The following SETBP1 variants were observed in gnomAD, a reference collection of about 807,000 sequenced individuals.
The protein encoded by SETBP1 is SET-binding protein.
Under a neutral mutation model 101.0 loss-of-function variants are expected in SETBP1, and 9 were observed. The ratio of observed to expected loss-of-function variants is 0.09; its 90% CI spans 0.05 to 0.16. The LOEUF (loss-of-function observed/expected upper bound fraction) is 0.16. SETBP1 is among the 10% of genes least tolerant of loss of function. The pLI, the probability that SETBP1 is intolerant of heterozygous loss-of-function variation, is 1.00. For missense variants in SETBP1, 1,858 were observed against 2,033.8 expected (o/e 0.91, Z 1.66); for synonymous variants, 818 against 788.5 (o/e 1.04, Z -0.63).
chr18:45,026,721 G>A (rs2073171729), intron 4 of SETBP1, among the ~76,000 whole-genome samples: 1 of 152,072 alleles, frequency 6.6e-6, no homozygotes, highest in African/African-American at 2.4e-5. Flanking sequence ...TATTGTCTCT[G>A]CACTTTTTAA....
intron 4 of SETBP1, among the ~76,000 whole-genome samples, chr18:44,970,664 G>A (rs1476125797): frequency 1.3e-5 from 2 of 151,800 alleles, no homozygotes; most frequent in East Asian, 3.9e-4. Flanking sequence ...CGATTCTCCT[G>A]CCTCAGCCTT....
intron 2 of SETBP1, among the ~76,000 whole-genome samples, chr18:44,719,248 G>A (rs563818153): frequency 6.6e-6 from 1 of 152,198 alleles, no homozygotes; most frequent in Admixed American, 6.5e-5. Flanking sequence ...CACCTGAAAG[G>A]CCCAGTGTAT....
chr18:44,685,549 C>A (rs1163071948), intron 1 of SETBP1, among the ~76,000 whole-genome samples: 1 of 152,184 alleles, frequency 6.6e-6, no homozygotes, highest in African/African-American at 2.4e-5. Flanking sequence ...TGTCCCTGTA[C>A]TTCCCAGTTA....
intron 5 of SETBP1, among the ~76,000 whole-genome samples, chr18:45,043,566 A>G (rs975031013): frequency 3.9e-5 from 6 of 152,226 alleles, no homozygotes; most frequent in Non-Finnish European, 7.3e-5. Flanking sequence ...TGTTGTATCA[A>G]GGCTAATCCA....
intron 3 of SETBP1, among the ~76,000 whole-genome samples, chr18:44,926,319 T>C (rs2070703597): frequency 1.3e-5 from 2 of 152,170 alleles, no homozygotes; most frequent in Admixed American, 1.3e-4. Context: ...TGGTGCATAA[T>C]TATCAAAGGC....
intron 4 of SETBP1, among the ~76,000 whole-genome samples, chr18:45,026,286 T>C (rs2073163224): frequency 6.6e-6 from 1 of 152,196 alleles, no homozygotes; most frequent in South Asian, 2.1e-4. Flanking sequence ...GACTGGTTTC[T>C]TGAAGTCTCA....
intron 3 of SETBP1, among the ~76,000 whole-genome samples, chr18:44,907,354 C>A (rs8182436): frequency 6.6e-6 from 1 of 152,168 alleles, no homozygotes; most frequent in African/African-American, 2.4e-5. Context: ...GTTTTCAGTT[C>A]TCTTGGGTAT....
intron 2 of SETBP1, among the ~76,000 whole-genome samples, chr18:44,851,849 C>T (rs1297207930): frequency 6.6e-6 from 1 of 152,182 alleles, no homozygotes; most frequent in East Asian, 1.9e-4. Context: ...CTGGGGACCT[C>T]CTCAAGGTTG....
At chr18:45,047,705 G>A (rs2073640449) in intron 5 of SETBP1, among the ~76,000 whole-genome samples, 1 of 152,144 alleles carries the variant, frequency 6.6e-6, no homozygotes, top group African/African-American at 2.4e-5. Context: ...GAAGAACTAT[G>A]TAATGACTGT....
At chr18:45,032,615 G>T (rs2073319600) in intron 4 of SETBP1, among the ~76,000 whole-genome samples, 1 of 152,136 alleles carries the variant, frequency 6.6e-6, no homozygotes. Flanking sequence ...GTTGTTTGTT[G>T]TTCACAGGTG....
intron 4 of SETBP1, among the ~76,000 whole-genome samples, chr18:44,962,499 A>C (rs1324292656): frequency 1.3e-5 from 2 of 152,178 alleles, no homozygotes; most frequent in Non-Finnish European, 2.9e-5. Flanking sequence ...ACCAAGAAAC[A>C]TGCCTGTCCT....
At chr18:44,966,705 C>T (rs1189655718) in intron 4 of SETBP1, among the ~76,000 whole-genome samples, 1 of 152,152 alleles carries the variant, frequency 6.6e-6, no homozygotes, top group Non-Finnish European at 1.5e-5. Context: ...TTAAGAAGCA[C>T]TAACTTAAGA....
intron 5 of SETBP1, among the ~76,000 whole-genome samples, chr18:45,040,963 G>A (rs909922307): frequency 6.6e-6 from 1 of 152,326 alleles, no homozygotes; most frequent in Middle Eastern, 3.4e-3. Context: ...ACCTTCCTGA[G>A]ATTTCACTCC....
chr18:44,990,015 A>G (rs1568013015), intron 4 of SETBP1, among the ~76,000 whole-genome samples: 1 of 151,960 alleles, frequency 6.6e-6, no homozygotes, highest in South Asian at 2.1e-4. Context: ...AACAGTAACA[A>G]TGAAATCTAG....
chr18:44,809,864 A>T (rs1214641548), intron 2 of SETBP1, among the ~76,000 whole-genome samples: 7 of 151,940 alleles, frequency 4.6e-5, no homozygotes, highest in Non-Finnish European at 1.5e-5. Context: ...ACTCAGAATA[A>T]CCCTTTTTAG....
chr18:44,921,626 C>T (rs2070582247), intron 3 of SETBP1, among the ~76,000 whole-genome samples: 1 of 152,144 alleles, frequency 6.6e-6, no homozygotes, highest in Non-Finnish European at 1.5e-5. Context: ...ATAGTCAGTG[C>T]AGATGTCATT....
chr18:44,742,504 C>T (rs2070121035), intron 2 of SETBP1, among the ~76,000 whole-genome samples: 1 of 152,180 alleles, frequency 6.6e-6, no homozygotes, highest in African/African-American at 2.4e-5. Flanking sequence ...GCTGGCATTG[C>T]TTTTCATGAT....
intron 4 of SETBP1, among the ~76,000 whole-genome samples, chr18:44,982,962 GCTTAA>G (rs1184880587): frequency 6.6e-6 from 1 of 152,126 alleles, no homozygotes; most frequent in Non-Finnish European, 1.5e-5. Flanking sequence ...GTCATGGGAT[GCTTAA>G]CTTCAGCCCT....
intron 2 of SETBP1, among the ~76,000 whole-genome samples, chr18:44,807,944 T>G (rs1393212303): frequency 6.6e-6 from 1 of 152,160 alleles, no homozygotes; most frequent in African/African-American, 2.4e-5. Flanking sequence ...GAATTTGGAC[T>G]TTACCCTCAG....
Sources: gnomAD v4.1 joint callset for allele counts (sites outside exome capture counted in the v4.1 genomes callset) on GRCh38, gnomAD v4.1.1 for gene constraint, MANE v1.5 for transcripts, NCBI Gene and HGNC (gene_info 2026-07-23, HGNC 2026-07-21) for gene names.